RFK: variants seen among roughly 807,000 people sequenced by gnomAD.
The protein encoded by RFK is riboflavin kinase, also known as 0610038L10Rik.
In RFK, 4 loss-of-function variants were observed where a neutral mutation model predicts 17.6. The ratio of observed to expected loss-of-function variants is 0.23; its 90% CI spans 0.11 to 0.52. RFK has a LOEUF of 0.52. RFK is among the 20% of genes least tolerant of loss of function. RFK has a pLI of 0.96. For missense variants in RFK, 189 were observed against 187.7 expected (o/e 1.01, Z -0.04); for synonymous variants, 59 against 63.8 (o/e 0.92, Z 0.36).
rs59430890 is a variant in RFK at position 76,389,279 on chromosome 9, C to T, written c.235-623G>A. Among the ~76,000 whole-genome samples the T allele has an allele frequency of 4.0e-3, 604 of 152,206 alleles. 5 individuals carry two copies. Among genetic ancestry groups the T allele is most frequent in the African/African-American group, 0.014 (580 of 41,526 alleles). ...GAGGTTAAGAGCACTGACTTAGAGTCAAAAGTCTGGGTTCCCACACTTGGT... is the reference window on the plus strand; with the variant it reads ...GAGGTTAAGAGCACTGACTTAGAGTTAAAAGTCTGGGTTCCCACACTTGGT... On this transcript the variant is annotated intron_variant, in intron 2 of 3. Transcript: ENST00000376736.
intron 2 of RFK, among the ~76,000 whole-genome samples, chr9:76,389,064 C>T (rs1241916593): frequency 3.3e-5 from 5 of 152,140 alleles, no homozygotes; most frequent in South Asian, 2.1e-4. Flanking sequence ...ACGTCTGACA[C>T]ACAACATGTA....
At chr9:76,388,693 C>T in intron 2 of RFK, 37 bp from the exon 3 acceptor site, 4 of 1,182,020 alleles carry the variant, frequency 3.4e-6, no homozygotes, top group Non-Finnish European at 5.0e-6. Flanking sequence ...TGCTATCAGA[C>T]TACAGTGTAC....
At chr9:76,388,992 G>A (rs1268783832) in intron 2 of RFK, among the ~76,000 whole-genome samples, 2 of 152,174 alleles carry the variant, frequency 1.3e-5, no homozygotes, top group Non-Finnish European at 2.9e-5. Flanking sequence ...GAGGGAATGA[G>A]CAAAGTATTA....
chr9:76,388,556 A>G lies in RFK; in HGVS notation c.335T>C (p.Leu112Ser), dbSNP rs140199557. Reference protein sequence around the residue: ...YLRPEKNFDSLESLISAIQGD... With the variant: ...YLRPEKNFDSSESLISAIQGD... The stretch of plus-strand genomic sequence containing the variant: ...AGAAGATCAAAATAAGAACTTACCT[A>G]AAGAATCAAAGTTCTTTTCTGGTCT... The change falls in exon 3 of 4, where the codon TTA (leucine) becomes TCA (serine). Residue 112 changes from leucine (L) to serine (S), a missense_variant and splice_region_variant. Physicochemically the swap from Leu to Ser is moderately radical, Grantham distance 145. This residue lies in a region of RFK where 95 missense variants were observed against 95.7 expected (regional missense o/e 0.99). Transcript: ENST00000376736. 1.9e-6 allele frequency: 3 copies of G among 1,589,540 alleles called. No individual in the cohort carries two copies. The highest frequency in any genetic ancestry group is 2.7e-5 in the African/African-American group (2 of 74,558).
rs1344521515 is a variant in RFK, at chr9:76,386,410, G to A, written c.*989C>T. The A allele has an allele frequency of 1.3e-5, 2 of 152,064 alleles. No homozygotes were observed. The highest frequency in any genetic ancestry group is 1.9e-4 in the East Asian group (1 of 5,192). 9.4% of individuals were successfully genotyped at this position (152,064 alleles called of 1,614,324 possible). A position where few individuals can be genotyped will look rare whatever the true frequency, so the allele number is the denominator to read the frequency against. ...TTGGCTCTTAAATAGTTTTGCTAGG[G>A]AGGAAACATTTTGTGTTCTTTAAGA... is the stretch of plus-strand genomic sequence containing the variant. On this transcript the variant is annotated 3_prime_UTR_variant, in exon 4 of 4. Transcript: ENST00000376736.
chr9:76,392,497 C>G lies in RFK; in HGVS notation c.155G>C (p.Ser52Thr). 6.2e-7 allele frequency: 1 copy of G among 1,614,234 alleles called. No homozygotes were observed. ...ISTGIYYGWA[S>T]VGSGDVHKMV... The stretch of plus-strand genomic sequence containing the variant: ...CTTATGGACATCTCCACTTCCAACA[C>G]TGGCCCAACCATAGTAAATACCAGT... The change falls in exon 2 of 4, where the codon AGT (serine) becomes ACT (threonine). Residue 52 changes from serine to threonine, a missense_variant. By Grantham distance (58) the Ser-to-Thr change is moderately conservative. Coordinates refer to ENST00000376736, the MANE Select transcript of RFK (RefSeq NM_018339.6).
In RFK at chr9:76,394,254, A is replaced by T; in HGVS notation, c.-83T>A. 7.1e-7 allele frequency: 1 copy of T among 1,403,704 alleles called. No homozygotes were observed. The highest frequency in any genetic ancestry group is 9.7e-7 in the Non-Finnish European group (1 of 1,032,024). 87.0% of individuals were successfully genotyped at this position (1,403,704 alleles called of 1,614,324 possible). A position where few individuals can be genotyped will look rare whatever the true frequency, so the allele number is the denominator to read the frequency against. On this transcript the variant is annotated 5_prime_UTR_variant, in exon 1 of 4. Coordinates refer to ENST00000376736, the MANE Select transcript of RFK (RefSeq NM_018339.6). ...CGTCGACGCGGCGCCCAGACCCCGG[A>T]CCAGCCGGGGGACAGGAGCGTGAGC... is the stretch of plus-strand genomic sequence containing the variant.
chr9:76,388,722 T>G (rs1355659106), intron 2 of RFK, 66 bp from the exon 3 acceptor site: 2 of 859,854 alleles, frequency 2.3e-6, no homozygotes, highest in African/African-American at 3.4e-5. Flanking sequence ...GAAATACATC[T>G]TCATGTTTAT....
intron 1 of RFK, 23 bp downstream of exon 1, chr9:76,394,067 G>T (rs745799370): frequency 3.2e-6 from 5 of 1,574,254 alleles, no homozygotes; most frequent in Non-Finnish European, 4.3e-6. Context: ...CGGCCCGGGG[G>T]ACTCTGGCCG....
At chr9:76,394,065 G>A in intron 1 of RFK, 25 bp downstream of exon 1, 1 of 1,571,634 alleles carries the variant, frequency 6.4e-7, no homozygotes, top group Non-Finnish European at 8.6e-7. Context: ...CCCGGCCCGG[G>A]GGACTCTGGC....
chr9:76,387,598 T>C, intron 3 of RFK, 69 bp from the exon 4 acceptor site: 2 of 1,471,168 alleles, frequency 1.4e-6, no homozygotes, highest in Non-Finnish European at 1.8e-6. Flanking sequence ...CTACTCTGTT[T>C]AGCCAATCCT....
In RFK at chr9:76,387,506, C is replaced by T. The variant is rs1474450532; in HGVS notation, c.361G>A (p.Gly121Ser). ...CGTTTCTTAGCTTCTTCAATATCACCTTGAATTGCTGAAATAAGTGACTCT... is the reference window on the plus strand; with the variant it reads ...CGTTTCTTAGCTTCTTCAATATCACTTTGAATTGCTGAAATAAGTGACTCT... ...SLESLISAIQ[G>S]DIEEAKKRLE... is the part of the protein sequence containing the mutation. Residue 121 changes from glycine (G) to serine (S), a missense_variant, in exon 4 of 4, where the codon GGT becomes AGT. Physicochemically the swap from Gly to Ser is moderately conservative, Grantham distance 56. Around this residue, in one of 3 missense-constraint regions of RFK, gnomAD observed 95 missense variants for 95.7 expected, o/e 0.99. Transcript: ENST00000376736. The T allele has an allele frequency of 3.1e-6, 5 of 1,610,978 alleles. No homozygotes were observed. Among genetic ancestry groups the T allele is most frequent in the Non-Finnish European group, 4.2e-6 (5 of 1,179,364 alleles).
chr9:76,391,838 T>C (rs1822823669), intron 2 of RFK, among the ~76,000 whole-genome samples: 1 of 152,058 alleles, frequency 6.6e-6, no homozygotes, highest in Admixed American at 6.6e-5. Flanking sequence ...TGGAGGAGGA[T>C]TACTTGAGCC....
chr9:76,388,385 T>A, intron 3 of RFK, 169 bp downstream of exon 3: 2 of 646,182 alleles, frequency 3.1e-6, no homozygotes. Context: ...GGCAAAATAA[T>A]CCCTCACAGG....
rs991175712 is a variant in RFK at position 76,386,529 on chromosome 9, A to G, written c.*870T>C. 1.3e-5 allele frequency: 2 copies of G among 152,340 alleles called. No homozygotes were observed. Among genetic ancestry groups the G allele is most frequent in the East Asian group, 3.9e-4 (2 of 5,192 alleles). 9.4% of individuals were successfully genotyped at this position (152,340 alleles called of 1,614,324 possible). A position where few individuals can be genotyped will look rare whatever the true frequency, so the allele number is the denominator to read the frequency against. ...TTTCCTAAAAAAGGAAAAAAGAACCAAAGAAAAATGTTGAAGAACAAGAAT... is the reference window on the plus strand; with the variant it reads ...TTTCCTAAAAAAGGAAAAAAGAACCGAAGAAAAATGTTGAAGAACAAGAAT... On this transcript the variant is annotated 3_prime_UTR_variant, in exon 4 of 4. Transcript: ENST00000376736.
At position 76,386,558 on chromosome 9, in the gene RFK, T is replaced by C. The variant is rs555133671; in HGVS notation, c.*841A>G. 1.3e-5 allele frequency: 2 copies of C among 152,240 alleles called. No homozygotes were observed. Among genetic ancestry groups the C allele is most frequent in the Admixed American group, 1.3e-4 (2 of 15,288 alleles). The allele number at this position is 152,240 out of a possible 1,614,324, so 9.4% of individuals were successfully genotyped here. ...AAAAATGTTGAAGAACAAGAATATT[T>C]ACCATTAAAAAGAAGAAACATTATC... On this transcript the variant is annotated 3_prime_UTR_variant, in exon 4 of 4. Transcript: ENST00000376736.
intron 2 of RFK, among the ~76,000 whole-genome samples, chr9:76,391,054 C>T (rs768485879): frequency 5.9e-5 from 9 of 152,092 alleles, no homozygotes; most frequent in Non-Finnish European, 1.0e-4. Flanking sequence ...GGGCTATTGT[C>T]CCCTCCCCTT....
chr9:76,393,851 T>C (rs1822853050), intron 1 of RFK: 1 of 515,106 alleles, frequency 1.9e-6, no homozygotes, highest in Admixed American at 3.6e-5. Flanking sequence ...CATCTCGGGC[T>C]TCCGGCCCTC....
intron 3 of RFK, 117 bp downstream of exon 3, chr9:76,388,437 T>A (rs759338121): frequency 2.8e-6 from 2 of 702,968 alleles, no homozygotes; most frequent in Admixed American, 4.5e-5. Flanking sequence ...AAACGGTGCC[T>A]GGCATATATT....
Sources: allele counts gnomAD v4.1 joint callset (sites outside exome capture counted in the v4.1 genomes callset), GRCh38; gene constraint gnomAD v4.1.1; regional missense constraint gnomAD v4.1.1; transcripts MANE v1.5; gene names NCBI Gene and HGNC (gene_info 2026-07-23, HGNC 2026-07-21).